XDH: variants seen among roughly 807,000 people sequenced by gnomAD.
XDH encodes the protein xanthine dehydrogenase/oxidase.
XDH carries 138 observed loss-of-function variants against 156.1 expected under a neutral mutation model. That is an observed-to-expected ratio of 0.88 (90% CI 0.77 to 1.02). The LOEUF (loss-of-function observed/expected upper bound fraction) is 1.02, where lower values mean the gene tolerates loss of function less well. Ranked by LOEUF, XDH falls within the 50% of genes least tolerant of loss-of-function variation. XDH has a pLI of 0.00. For missense variants in XDH, 1,849 were observed against 1,684.9 expected (o/e 1.10, Z -1.71); for synonymous variants, 669 against 625.7 (o/e 1.07, Z -1.03).
chr2:31,367,040 A>AG, intron 20 of XDH, 46 bp from the exon 21 acceptor site: 1 of 1,613,740 alleles, frequency 6.2e-7, no homozygotes, highest in East Asian at 2.2e-5. Context: ...ATGCTGCAGA[A>AG]GGGGCCAGCT....
chr2:31,337,696 C>T lies in XDH; in HGVS notation c.3896G>A (p.Ser1299Asn), dbSNP rs751870559. 6.2e-6 allele frequency: 10 copies of T among 1,614,130 alleles called. No homozygotes were observed. The highest frequency in any genetic ancestry group is 7.6e-6 in the Non-Finnish European group (9 of 1,180,048). The stretch of plus-strand genomic sequence containing the variant: ...GCGGATCTTCTCCGGGGTGGCAGGG[C>T]TGTCTAGCCGGAAGAGTTCCTTCAC... ...NNVKELFRLD[S>N]PATPEKIRNA... is the part of the protein sequence containing the mutation. Residue 1299 changes from serine to asparagine, a missense_variant, in exon 35 of 36, where the codon AGC becomes AAC. Physicochemically the swap from Ser to Asn is conservative, Grantham distance 46. Coordinates refer to ENST00000379416, the MANE Select transcript of XDH (RefSeq NM_000379.4).
At chr2:31,414,057 C>A (rs888912115) in intron 1 of XDH, among the ~76,000 whole-genome samples, 2 of 151,740 alleles carry the variant, frequency 1.3e-5, no homozygotes, top group African/African-American at 4.8e-5. Context: ...GCAGGAGATG[C>A]CCTTTATGAA....
At chr2:31,372,492 A>G in intron 16 of XDH, 95 bp from the exon 17 acceptor site, 1 of 1,530,694 alleles carries the variant, frequency 6.5e-7, no homozygotes, top group South Asian at 1.1e-5. Flanking sequence ...CTACATGGCA[A>G]AGGACACCAA....
intron 12 of XDH, 93 bp from the exon 13 acceptor site, chr2:31,380,069 T>C: frequency 1.6e-6 from 2 of 1,250,624 alleles, no homozygotes; most frequent in Non-Finnish European, 2.3e-6. Context: ...GGATTCTTCA[T>C]GCTGGTCTCC....
chr2:31,336,945 T>C (rs528389678), intron 35 of XDH, among the ~76,000 whole-genome samples: 55 of 150,306 alleles, frequency 3.7e-4, no homozygotes, highest in African/African-American at 1.3e-3. Flanking sequence ...CTGGGCTGGT[T>C]CTGAGATCCC....
At chr2:31,381,259 G>A (rs1170385441) in intron 12 of XDH, among the ~76,000 whole-genome samples, 1 of 152,152 alleles carries the variant, frequency 6.6e-6, no homozygotes. Context: ...GCCTCTCAAA[G>A]TGCTGGGATT....
chr2:31,409,051 C>T (rs1303958021), intron 1 of XDH, among the ~76,000 whole-genome samples: 6 of 152,144 alleles, frequency 3.9e-5, no homozygotes, highest in South Asian at 2.1e-4. Context: ...GAAAGACAAA[C>T]TTCACATGTT....
In XDH at chr2:31,335,748, T is replaced by C. The variant is rs2148745793; in HGVS notation, c.*210A>G. 4.7e-6 allele frequency: 3 copies of C among 637,686 alleles called. No individual in the cohort carries two copies. The highest frequency in any genetic ancestry group is 3.7e-5 in the South Asian group (2 of 53,590). The allele number at this position is 637,686 out of a possible 1,614,324, so 39.5% of individuals were successfully genotyped here. ...TAATTGCATATTCACCATTTAGGCA[T>C]AACAGTTTTGAATTTGCTTATCATT... is the stretch of plus-strand genomic sequence containing the variant. On this transcript the variant is annotated 3_prime_UTR_variant, in exon 36 of 36. Coordinates refer to ENST00000379416, the MANE Select transcript of XDH (RefSeq NM_000379.4).
chr2:31,341,506 C>T, intron 32 of XDH, 112 bp from the exon 33 acceptor site: 1 of 1,126,182 alleles, frequency 8.9e-7, no homozygotes, highest in Non-Finnish European at 1.3e-6. Context: ...GAGTACGTTC[C>T]CAAGCAGAAA....
intron 24 of XDH, among the ~76,000 whole-genome samples, chr2:31,359,089 T>C (rs543708745): frequency 6.6e-6 from 1 of 151,892 alleles, no homozygotes; most frequent in Non-Finnish European, 1.5e-5. Flanking sequence ...CAAACTGAAA[T>C]CACAATGAGC....
chr2:31,401,895 T>C (rs1687070558), intron 3 of XDH, among the ~76,000 whole-genome samples: 1 of 152,206 alleles, frequency 6.6e-6, no homozygotes, highest in South Asian at 2.1e-4. Flanking sequence ...AGTTATTGAG[T>C]GCCAGACATA....
At chr2:31,388,981 A>G (rs933215698) in intron 6 of XDH, among the ~76,000 whole-genome samples, 2 of 152,168 alleles carry the variant, frequency 1.3e-5, no homozygotes, top group African/African-American at 4.8e-5. Context: ...GTCTAGAATC[A>G]CTACCACCCA....
chr2:31,400,085 G>A (rs969315924), intron 4 of XDH, among the ~76,000 whole-genome samples: 4 of 151,920 alleles, frequency 2.6e-5, no homozygotes, highest in Admixed American at 6.6e-5. Context: ...ATCCCACCCC[G>A]ACCTGGCTGG....
chr2:31,352,321 C>G (rs1034153484), intron 24 of XDH, among the ~76,000 whole-genome samples: 3 of 152,090 alleles, frequency 2.0e-5, no homozygotes, highest in Non-Finnish European at 4.4e-5. Context: ...TCTCATCTCT[C>G]TGGAAAGATC....
chr2:31,356,304 G>A (rs1451530529), intron 24 of XDH, among the ~76,000 whole-genome samples: 2 of 152,152 alleles, frequency 1.3e-5, no homozygotes, highest in African/African-American at 2.4e-5. Flanking sequence ...CATGTGGTAG[G>A]AAAAAGAAAT....
intron 6 of XDH, among the ~76,000 whole-genome samples, chr2:31,395,395 A>C (rs1227933695): frequency 1.3e-5 from 2 of 152,140 alleles, no homozygotes; most frequent in African/African-American, 4.8e-5. Flanking sequence ...GCGAGGATCT[A>C]ATATAACCTC....
chr2:31,402,005 T>A (rs982966158), intron 3 of XDH, among the ~76,000 whole-genome samples: 2 of 152,132 alleles, frequency 1.3e-5, no homozygotes, highest in Non-Finnish European at 2.9e-5. Context: ...AAAGTCCATA[T>A]GAAGGTGCAA....
intron 1 of XDH, among the ~76,000 whole-genome samples, chr2:31,410,917 T>G (rs1297785013): frequency 1.3e-5 from 2 of 152,176 alleles, no homozygotes; most frequent in Non-Finnish European, 2.9e-5. Flanking sequence ...TGGAATACAT[T>G]TGCATAAAGT....
Position 31,363,510 on chromosome 2 carries a change from G to A in XDH, c.2631+648C>T, listed in dbSNP as rs148459197. On this transcript the variant is annotated intron_variant, in intron 24 of 35. Coordinates refer to ENST00000379416, the MANE Select transcript of XDH (RefSeq NM_000379.4). ...ATGATGCAAGACATCATTCTGGGGT[G>A]ATGGGAGTTCAAACACTGGATTGTG... Among the ~76,000 whole-genome samples, 1,375 of 152,300 alleles carry A rather than the reference G, an allele frequency of 9.0e-3. 18 individuals carry two copies. The highest frequency in any genetic ancestry group is 0.032 in the African/African-American group (1,313 of 41,560).
Sources: allele counts gnomAD v4.1 joint callset (sites outside exome capture counted in the v4.1 genomes callset), GRCh38; gene constraint gnomAD v4.1.1; transcripts MANE v1.5; gene names NCBI Gene and HGNC (gene_info 2026-07-23, HGNC 2026-07-21).